Variants in GOT1 observed in about 807,000 individuals in gnomAD.
GOT1 encodes aspartate aminotransferase, cytoplasmic.
A neutral mutation model predicts 48.2 loss-of-function variants in GOT1; 25 were observed. The observed-to-expected ratio is 0.52, with a 90% CI of 0.38 to 0.72. The LOEUF (loss-of-function observed/expected upper bound fraction) is 0.72, where lower values mean the gene tolerates loss of function less well. GOT1 is among the 30% of genes least tolerant of loss of function. The probability of loss-of-function intolerance (pLI) is 0.00; values close to 1 mark genes in which losing one functional copy is unlikely to be tolerated. For missense variants in GOT1, 380 were observed against 520.1 expected, an observed-to-expected ratio of 0.73 and a Z score of 2.62; for synonymous variants, 188 against 193.8, an observed-to-expected ratio of 0.97 and a Z score of 0.25.
chr10:99,417,558 T>A (rs1256213680), intron 2 of GOT1, among the ~76,000 whole-genome samples: 8 of 152,248 alleles, frequency 5.3e-5, no homozygotes, highest in East Asian at 1.9e-4. Context: ...AATACCATTT[T>A]CCCAGCCATC....
At chr10:99,428,353 G>GTT (rs551770823) in intron 1 of GOT1, among the ~76,000 whole-genome samples, 4 of 146,718 alleles carry the variant, frequency 2.7e-5, no homozygotes, top group African/African-American at 7.5e-5. Context: ...GTGGTTTTTT[G>GTT]TTTTTTTTTT....
intron 1 of GOT1, among the ~76,000 whole-genome samples, chr10:99,425,890 G>A (rs563030510): frequency 3.3e-5 from 5 of 152,240 alleles, no homozygotes; most frequent in African/African-American, 4.8e-5. Flanking sequence ...AGACATTGAC[G>A]GAACCTGAGG....
intron 1 of GOT1, chr10:99,430,223 T>C (rs1206842562): frequency 2.3e-6 from 3 of 1,305,502 alleles, no homozygotes; most frequent in Non-Finnish European, 3.2e-6. Context: ...CTGCTACACC[T>C]GGTTTGTGCG....
intron 1 of GOT1, among the ~76,000 whole-genome samples, chr10:99,425,436 C>T (rs1417107249): frequency 6.6e-6 from 1 of 152,046 alleles, no homozygotes; most frequent in Admixed American, 6.5e-5. Context: ...AGTGACACCA[C>T]AGAAAATAAA....
rs982608511 is a variant in GOT1, at chr10:99,403,391, A to G, written c.959+78T>C. ...CTGCTTCTGCCAAAATGAAAGGAAG[A>G]GACCCAGTTAAATGTACTGGGACAA... is the stretch of plus-strand genomic sequence containing the variant. On this transcript the variant is annotated intron_variant, in intron 7 of 8. Transcript: ENST00000370508. 2.6e-6 allele frequency: 3 copies of G among 1,141,258 alleles called. No homozygotes were observed. In the African/African-American group the frequency reaches 4.6e-5, roughly 18 times the overall value. The allele number at this position is 1,141,258 out of a possible 1,614,324, so 70.7% of individuals were successfully genotyped here.
At chr10:99,423,148 C>G (rs942453018) in intron 1 of GOT1, among the ~76,000 whole-genome samples, 1 of 152,166 alleles carries the variant, frequency 6.6e-6, no homozygotes, top group African/African-American at 2.4e-5. Flanking sequence ...CACAGCCTTA[C>G]GCACTGAGTG....
intron 2 of GOT1, among the ~76,000 whole-genome samples, chr10:99,411,836 C>A (rs1347479989): frequency 6.6e-6 from 1 of 152,124 alleles, no homozygotes; most frequent in Non-Finnish European, 1.5e-5. Flanking sequence ...CGGATAGGAG[C>A]CAAATGCTGA....
Position 99,402,584 on chromosome 10 carries a change from C to T in GOT1, c.1098G>A (p.Leu366=). 8 of 1,614,190 alleles carry T rather than the reference C, an allele frequency of 5.0e-6. No homozygotes were observed. The highest frequency in any genetic ancestry group is 6.8e-6 in the Non-Finnish European group (8 of 1,180,034). The stretch of plus-strand genomic sequence containing the variant: ...GAGGTGGTGGGGGCCACTTACGGTT[C>T]AACCCAGTGAAGCTGAACATGCCAA... ...DQIGMFSFTG[L]NPKQVEYLVN... Residue 366 remains leucine (L), a synonymous_variant, in exon 8 of 9, where the codon TTG becomes TTA. Transcript: ENST00000370508.
At chr10:99,416,272 A>G (rs765817914) in intron 2 of GOT1, among the ~76,000 whole-genome samples, 1 of 152,194 alleles carries the variant, frequency 6.6e-6, no homozygotes, top group Admixed American at 6.5e-5. Flanking sequence ...ATGTGCAAAA[A>G]TCACAAGCAT....
Position 99,397,239 on chromosome 10 carries a change from G to A in GOT1, c.*308C>T, listed in dbSNP as rs1467620087. 8 of 275,718 alleles carry A rather than the reference G, an allele frequency of 2.9e-5. No homozygotes were observed. Among genetic ancestry groups the A allele is most frequent in the Admixed American group, 8.9e-5 (2 of 22,380 alleles). 17.1% of individuals were successfully genotyped at this position (275,718 alleles called of 1,614,324 possible). A position where few individuals can be genotyped will look rare whatever the true frequency, so the allele number is the denominator to read the frequency against. ...AAACACCACATAGAAGCACGTGGCC[G>A]CCACACACAACACTCCTTTTTAGTG... is the stretch of plus-strand genomic sequence containing the variant. On this transcript the variant is annotated 3_prime_UTR_variant, in exon 9 of 9. Coordinates refer to ENST00000370508, the MANE Select transcript of GOT1 (RefSeq NM_002079.3). This position sits in a 1 kb window ranked among gnomAD's most constrained non-coding sequence, Gnocchi z 5.4.
Position 99,397,426 on chromosome 10 carries a change from C to G in GOT1, c.*121G>C, listed in dbSNP as rs148733693. ...CCGGTTTAAACAGAGGCTGCCTCAC[C>G]AGAGCAGCCTTTCAGTCCTGCAAGT... On this transcript the variant is annotated 3_prime_UTR_variant, in exon 9 of 9. Transcript: ENST00000370508. This position sits in a 1 kb window ranked among gnomAD's most constrained non-coding sequence, Gnocchi z 5.4. 3 of 1,060,318 alleles carry G rather than the reference C, an allele frequency of 2.8e-6. No homozygotes were observed. The African/African-American group carries it at 4.7e-5, about 17-fold the overall frequency. 65.7% of individuals were successfully genotyped at this position (1,060,318 alleles called of 1,614,324 possible). A position where few individuals can be genotyped will look rare whatever the true frequency, so the allele number is the denominator to read the frequency against.
At chr10:99,401,825 T>G (rs1326448238) in intron 8 of GOT1, among the ~76,000 whole-genome samples, 1 of 151,518 alleles carries the variant, frequency 6.6e-6, no homozygotes, top group Non-Finnish European at 1.5e-5. Context: ...CTTTTTTTTT[T>G]GAGACGGAGT....
chr10:99,419,617 G>A (rs2032941602), intron 2 of GOT1, among the ~76,000 whole-genome samples: 1 of 152,130 alleles, frequency 6.6e-6, no homozygotes, highest in Non-Finnish European at 1.5e-5. Flanking sequence ...TAAAAAATAT[G>A]CCCATGGGGG....
chr10:99,415,157 G>T (rs533062844), intron 2 of GOT1, among the ~76,000 whole-genome samples: 15 of 151,948 alleles, frequency 9.9e-5, no homozygotes, highest in African/African-American at 2.7e-4. Context: ...CCAGGAGCTG[G>T]TTTTTTGAAA....
chr10:99,400,404 G>A (rs1476213245), intron 8 of GOT1, among the ~76,000 whole-genome samples: 3 of 152,160 alleles, frequency 2.0e-5, no homozygotes, highest in Non-Finnish European at 4.4e-5. Flanking sequence ...CCAGCACCTT[G>A]GGAGACCGAG....
chr10:99,429,463 C>T (rs770920474), intron 1 of GOT1, among the ~76,000 whole-genome samples: 3 of 151,810 alleles, frequency 2.0e-5, no homozygotes, highest in Admixed American at 6.6e-5. Context: ...TCCACCTTCT[C>T]TTTCCACAAT....
intron 3 of GOT1, 59 bp from the exon 4 acceptor site, chr10:99,406,308 A>G: frequency 8.1e-7 from 1 of 1,227,564 alleles, no homozygotes; most frequent in Non-Finnish European, 1.2e-6. Context: ...CATGAGTGGA[A>G]AGGATGCAAG....
intron 7 of GOT1, among the ~76,000 whole-genome samples, chr10:99,403,139 A>G (rs1346956781): frequency 6.6e-6 from 1 of 152,036 alleles, no homozygotes; most frequent in East Asian, 1.9e-4. Context: ...GAGCTCCCAA[A>G]CTGTTAAACT....
At position 99,402,593 on chromosome 10, in the gene GOT1, G is replaced by A; in HGVS notation, c.1089C>T (p.Phe363=). 1 of 1,614,204 alleles carries A rather than the reference G, an allele frequency of 6.2e-7. No individual in the cohort carries two copies. Among genetic ancestry groups the A allele is most frequent in the Non-Finnish European group, 8.5e-7 (1 of 1,180,024 alleles). ...GGGGCCACTTACGGTTCAACCCAGT[G>A]AAGCTGAACATGCCAATTTGATCAG... The part of the protein sequence containing the change: ...HITDQIGMFS[F]TGLNPKQVEY... The change falls in exon 8 of 9, where the codon TTC becomes TTT. Residue 363 remains phenylalanine, a synonymous_variant. Transcript: ENST00000370508.
Sources: allele counts gnomAD v4.1 joint callset (sites outside exome capture counted in the v4.1 genomes callset), GRCh38; gene constraint gnomAD v4.1.1; non-coding constraint Gnocchi (gnomAD v3.1); transcripts MANE v1.5; gene names NCBI Gene and HGNC (gene_info 2026-07-23, HGNC 2026-07-21).